CUBN: variants seen among roughly 807,000 people sequenced by gnomAD.
CUBN encodes cubilin, also known as 460 kDa receptor.
Under a neutral mutation model 405.3 loss-of-function variants are expected in CUBN, and 282 were observed. The ratio of observed to expected loss-of-function variants is 0.70; its 90% CI spans 0.63 to 0.77. The LOEUF (loss-of-function observed/expected upper bound fraction) is 0.77. Among genes scored for constraint, CUBN ranks in the 30% least tolerant of loss-of-function variants. The pLI, the probability that CUBN is intolerant of heterozygous loss-of-function variation, is 0.00. For synonymous variants in CUBN, 1,684 were observed against 1,617.0 expected (o/e 1.04, Z -0.99); for missense variants, 4,514 against 4,475.2 (o/e 1.01, Z -0.25).
chr10:17,046,599 G>C (rs539215975), intron 23 of CUBN, among the ~76,000 whole-genome samples: 4 of 152,146 alleles, frequency 2.6e-5, no homozygotes, highest in East Asian at 3.9e-4. Flanking sequence ...ATAATCTGTA[G>C]CTTTTTGAAA....
At chr10:16,850,391 A>G (rs1244057759) in intron 60 of CUBN, among the ~76,000 whole-genome samples, 1 of 152,222 alleles carries the variant, frequency 6.6e-6, no homozygotes, top group Non-Finnish European at 1.5e-5. Context: ...ATCTGAACCT[A>G]TATAACCTGA....
In CUBN at chr10:16,939,162, A is replaced by C; in HGVS notation, c.5549-15T>G. The C allele has an allele frequency of 6.2e-7, 1 of 1,604,582 alleles. No individual in the cohort carries two copies. The highest frequency in any genetic ancestry group is 8.5e-7 in the Non-Finnish European group (1 of 1,171,368). ...ATTGCCAAATACTAGGAGGGAAGAC[A>C]GAGTAGTAAATCAGACCCACTTAGA... is the stretch of plus-strand genomic sequence containing the variant. On this transcript the variant is annotated splice_polypyrimidine_tract_variant and intron_variant, in intron 37 of 66. Coordinates refer to ENST00000377833, the MANE Select transcript of CUBN (RefSeq NM_001081.4).
At chr10:17,029,384 C>T (rs978667128) in intron 27 of CUBN, among the ~76,000 whole-genome samples, 1 of 152,226 alleles carries the variant, frequency 6.6e-6, no homozygotes, top group Admixed American at 6.5e-5. Flanking sequence ...ACATTTTACT[C>T]AGGCAATCTT....
At chr10:16,973,591 G>C (rs978045898) in intron 31 of CUBN, among the ~76,000 whole-genome samples, 1 of 146,916 alleles carries the variant, frequency 6.8e-6, no homozygotes, top group East Asian at 2.0e-4. Flanking sequence ...TTGTCACCCA[G>C]GTAATGAGCA....
At chr10:16,928,037 A>G (rs2131586107) in intron 41 of CUBN, 120 bp downstream of exon 41, 2 of 1,117,428 alleles carry the variant, frequency 1.8e-6, no homozygotes, top group South Asian at 1.3e-5. Context: ...GCAGAGACCC[A>G]TGTCCTCTGA....
chr10:17,001,801 C>G (rs1429973047), intron 28 of CUBN, among the ~76,000 whole-genome samples: 2 of 152,084 alleles, frequency 1.3e-5, no homozygotes, highest in African/African-American at 4.8e-5. Context: ...TATTATTTAT[C>G]CTGCATTCCT....
chr10:17,054,247 C>A (rs756216811), intron 22 of CUBN, among the ~76,000 whole-genome samples: 1 of 148,034 alleles, frequency 6.8e-6, no homozygotes, highest in Non-Finnish European at 1.5e-5. Context: ...AGGAGAATCA[C>A]TTGAAACCAG....
Position 17,043,865 on chromosome 10 carries a change from C to A in CUBN, c.3791G>T (p.Gly1264Val). 6.2e-7 allele frequency: 1 copy of A among 1,613,618 alleles called. No individual in the cohort carries two copies. Residue 1264 changes from glycine to valine, a missense_variant, in exon 26 of 67, where the codon GGT becomes GTT. Gly to Val is a moderately radical substitution (Grantham distance 109). This residue lies in a region of CUBN where 242 missense variants were observed against 309.0 expected (regional missense o/e 0.78). Coordinates refer to ENST00000377833, the MANE Select transcript of CUBN (RefSeq NM_001081.4). ...SMFIKLRTDEGQQGRGFKAEY... is the reference protein window; with the variant it reads ...SMFIKLRTDEVQQGRGFKAEY... ...AGCCTTGAAGCCACGTCCTTGCTGA[C>A]CTTCATCTGTCCTCAGTTTTATAAA... is the stretch of plus-strand genomic sequence containing the variant.
chr10:17,025,146 G>A (rs1834623722), intron 27 of CUBN, among the ~76,000 whole-genome samples: 1 of 152,120 alleles, frequency 6.6e-6, no homozygotes, highest in East Asian at 1.9e-4. Flanking sequence ...CATCTGCTGT[G>A]AGGAGAAATT....
Position 17,065,608 on chromosome 10 carries a change from G to T in CUBN, c.3039C>A (p.Leu1013=). The change falls in exon 22 of 67, where the codon CTC becomes CTA. Residue 1013 remains leucine (L), a synonymous_variant. Coordinates refer to ENST00000377833, the MANE Select transcript of CUBN (RefSeq NM_001081.4). ...RYCGKSIPPS[L]TSSGNSLMLV... is the part of the protein sequence containing the mutation. ...GCATCAATGAGTTACCACTGCTTGT[G>T]AGAGATGGCGGGATCGACTTTCCAC... 1 of 1,613,588 alleles carries T rather than the reference G, an allele frequency of 6.2e-7. No homozygotes were observed. The highest frequency in any genetic ancestry group is 8.5e-7 in the Non-Finnish European group (1 of 1,179,588).
intron 44 of CUBN, among the ~76,000 whole-genome samples, chr10:16,919,229 T>C (rs1218924080): frequency 6.6e-6 from 1 of 152,180 alleles, no homozygotes; most frequent in Non-Finnish European, 1.5e-5. Flanking sequence ...GAATTTTCTG[T>C]GTCCATAAAA....
Position 16,901,473 on chromosome 10 carries a change from G to A in CUBN, c.8063-14C>T, listed in dbSNP as rs1841366925. 6.2e-7 allele frequency: 1 copy of A among 1,613,852 alleles called. No individual in the cohort carries two copies. Among genetic ancestry groups the A allele is most frequent in the African/African-American group, 1.3e-5 (1 of 74,962 alleles). ...TTCCGCCACAATCTGAAATGAGATTGGTAACCCTCTCAATAAAACAGAAGT... is the reference window on the plus strand; with the variant it reads ...TTCCGCCACAATCTGAAATGAGATTAGTAACCCTCTCAATAAAACAGAAGT... On this transcript the variant is annotated splice_polypyrimidine_tract_variant and intron_variant, in intron 51 of 66. Transcript: ENST00000377833.
intron 28 of CUBN, among the ~76,000 whole-genome samples, chr10:17,005,601 T>C (rs894219551): frequency 5.3e-5 from 8 of 152,218 alleles, no homozygotes; most frequent in Non-Finnish European, 1.0e-4. Flanking sequence ...TAAAACTCAG[T>C]TCAAATGTCA....
chr10:16,895,303 G>T (rs1376182519), intron 54 of CUBN, among the ~76,000 whole-genome samples: 1 of 151,530 alleles, frequency 6.6e-6, no homozygotes, highest in African/African-American at 2.4e-5. Context: ...GTATTCTGAT[G>T]TTGCTGTGTG....
At chr10:16,975,403 T>G (rs1195097509) in intron 31 of CUBN, among the ~76,000 whole-genome samples, 2 of 152,208 alleles carry the variant, frequency 1.3e-5, no homozygotes, top group Non-Finnish European at 2.9e-5. Context: ...ACCCTCCTCA[T>G]GACCACAAGA....
At chr10:17,121,783 T>C (rs1837047245) in intron 6 of CUBN, 1 of 152,118 alleles carries the variant, frequency 6.6e-6, no homozygotes, top group South Asian at 2.1e-4. Context: ...ATGGATATTG[T>C]TATGTGGAAA....
chr10:17,123,261 A>T (rs1386236974), intron 5 of CUBN: 4 of 447,418 alleles, frequency 8.9e-6, no homozygotes, highest in African/African-American at 7.9e-5. Context: ...AACAAAGAAA[A>T]TGAGAAAATT....
Position 16,942,863 on chromosome 10 carries a change from AGGAAG to A in CUBN, c.5343-2631_5343-2627del, listed in dbSNP as rs112417434. ...AGGGGGAAGGGGAAGGGGAAGGGAA[AGGAAG>A]GGAAGGGAAGGGAGGGGAACGGAAG... On this transcript the variant is annotated intron_variant, in intron 36 of 66. Coordinates refer to ENST00000377833, the MANE Select transcript of CUBN (RefSeq NM_001081.4). 1.2e-4 allele frequency among the ~76,000 whole-genome samples: 15 copies of A among 129,854 alleles called. No individual in the cohort carries two copies. The East Asian group carries it at 1.8e-3, about 15-fold the overall frequency. The allele number at this position is 129,854 out of a possible 152,430, so 85.2% of individuals were successfully genotyped here.
chr10:16,942,309 AAT>A (rs561632798), intron 36 of CUBN, among the ~76,000 whole-genome samples: 339 of 152,304 alleles, frequency 2.2e-3, no homozygotes, highest in African/African-American at 7.6e-3. Flanking sequence ...TCCACCCCTA[AAT>A]ATATACCCAA....
Sources: allele counts gnomAD v4.1 joint callset (sites outside exome capture counted in the v4.1 genomes callset), GRCh38; gene constraint gnomAD v4.1.1; regional missense constraint gnomAD v4.1.1; transcripts MANE v1.5; gene names NCBI Gene and HGNC (gene_info 2026-07-23, HGNC 2026-07-21).